AHNAK2: variants seen among roughly 807,000 people sequenced by gnomAD.
AHNAK2 encodes AHNAK nucleoprotein 2, also known as protein AHNAK2.
In AHNAK2, 18 loss-of-function variants were observed where a neutral mutation model predicts 30.7. The ratio of observed to expected loss-of-function variants is 0.59; its 90% confidence interval spans 0.41 to 0.87. The LOEUF is 0.87. AHNAK2 is among the 40% of genes least tolerant of loss of function. The probability of loss-of-function intolerance (pLI) is 0.00; values close to 1 mark genes in which losing one functional copy is unlikely to be tolerated. For missense variants in AHNAK2, 8,604 were observed against 7,373.0 expected (o/e 1.17, Z -6.11); for synonymous variants, 3,590 against 3,073.8 (o/e 1.17, Z -5.56).
rs772154123 is a variant in AHNAK2 at position 104,951,508 on chromosome 14, A to T, written c.3943T>A (p.Ser1315Thr). The change falls in exon 7 of 7, where the codon TCC becomes ACC. Residue 1315 changes from serine to threonine, a missense_variant. By Grantham distance (58) the Ser-to-Thr change is moderately conservative. Transcript: ENST00000333244. ...GCAGTCACGTCCTTGTCAGCCAGGG[A>T]CAGGTCCCCGTCCAGCTGTGCGCCA... Reference protein sequence around the residue: ...LDGAQLDGDLSLADKDVTAKD... With the variant: ...LDGAQLDGDLTLADKDVTAKD... 18 of 1,247,020 alleles carry T rather than the reference A, an allele frequency of 1.4e-5. 3 individuals are homozygous for T. The African/African-American group carries it at 2.6e-4, about 18-fold the overall frequency. 77.2% of individuals were successfully genotyped at this position (1,247,020 alleles called of 1,614,324 possible). A position where few individuals can be genotyped will look rare whatever the true frequency, so the allele number is the denominator to read the frequency against.
Position 104,944,998 on chromosome 14 carries a change from C to T in AHNAK2, c.10453G>A (p.Val3485Met). The T allele has an allele frequency of 6.2e-7, 1 of 1,612,968 alleles. No individual in the cohort carries two copies. The highest frequency in any genetic ancestry group is 1.7e-4 in the Middle Eastern group (1 of 6,054). Reference protein sequence around the residue: ...MPKFKMPSFGVSAPGRSIEAS... With the variant: ...MPKFKMPSFGMSAPGRSIEAS... ...TCGATGGACCTGCCTGGGGCCGACA[C>T]CCCGAAGGAGGGCATCTTGAACTTG... The change falls in exon 7 of 7, where the codon GTG becomes ATG. Residue 3485 changes from valine (V) to methionine (M), a missense_variant. Val to Met is a conservative substitution (Grantham distance 21). Transcript: ENST00000333244.
chr14:104,949,700 G>C lies in AHNAK2; in HGVS notation c.5751C>G (p.Pro1917=). 2 of 1,586,998 alleles carry C rather than the reference G, an allele frequency of 1.3e-6. 1 individual carries two copies. Among genetic ancestry groups the C allele is most frequent in the Admixed American group, 3.5e-5 (2 of 57,452 alleles). ...TCTGGGGGCCCTTGAGGTCCACTTT[G>C]GGCATCTTGAAACTGGGCATATCCA... ...PKVDMPSFKM[P]KVDLKGPQTD... Residue 1917 remains proline (P), a synonymous_variant, in exon 7 of 7, where the codon CCC becomes CCG. Coordinates refer to ENST00000333244, the MANE Select transcript of AHNAK2 (RefSeq NM_138420.4).
rs758220770 is a variant in AHNAK2 at position 104,949,914 on chromosome 14, A to G, written c.5537T>C (p.Val1846Ala). 3.1e-5 allele frequency: 49 copies of G among 1,588,418 alleles called. 2 individuals carry two copies. The highest frequency in any genetic ancestry group is 2.4e-4 in the Admixed American group (14 of 57,764). ...CTCCACCTTCGGCGCAGACACATCC[A>G]CCGAGGCCTCGATGGACTTGCCTGG... ...SAPGKSIEASVDVSAPKVEAE... is the reference protein window; with the variant it reads ...SAPGKSIEASADVSAPKVEAE... Residue 1846 changes from valine (V) to alanine (A), a missense_variant, in exon 7 of 7, where the codon GTG becomes GCG. Val to Ala is a moderately conservative substitution (Grantham distance 64). Coordinates refer to ENST00000333244, the MANE Select transcript of AHNAK2 (RefSeq NM_138420.4).
At position 104,966,687 on chromosome 14, in the gene AHNAK2, C is replaced by A. The variant is rs1899312127; in HGVS notation, c.56-9015G>T. Among the ~76,000 whole-genome samples, 1 of 152,198 alleles carries A rather than the reference C, an allele frequency of 6.6e-6. No individual in the cohort carries two copies. The highest frequency in any genetic ancestry group is 1.5e-5 in the Non-Finnish European group (1 of 68,042). ...AGGGCTCCCCAGTGCACCCCACAAC[C>A]CTGAGGGACCACCAGCTGGGGCCAC... On this transcript the variant is annotated intron_variant, in intron 1 of 6. Transcript: ENST00000333244. This position sits in a 1 kb window ranked among gnomAD's most constrained non-coding sequence, Gnocchi z 4.3.
chr14:104,962,454 C>G (rs1224039586), intron 1 of AHNAK2, among the ~76,000 whole-genome samples: 4 of 152,216 alleles, frequency 2.6e-5, no homozygotes, highest in Non-Finnish European at 5.9e-5. Flanking sequence ...GAGACAGGGT[C>G]TCACTCTGTC....
Position 104,938,397 on chromosome 14 carries a change from G to A in AHNAK2, c.17054C>T (p.Ala5685Val). The change falls in exon 7 of 7, where the codon GCA (alanine) becomes GTA (valine). Residue 5685 changes from alanine (A) to valine (V), a missense_variant. Ala to Val is a moderately conservative substitution (Grantham distance 64). Coordinates refer to ENST00000333244, the MANE Select transcript of AHNAK2 (RefSeq NM_138420.4). The part of the protein sequence containing the change: ...IQTQPEARPE[A>V]ELPKKQEKAG... ...CTTCTCCTGTTTTTTAGGCAGTTCT[G>A]CCTCTGGTCGTGCCTCAGGCTGTGT... 1 of 1,613,932 alleles carries A rather than the reference G, an allele frequency of 6.2e-7. No homozygotes were observed. The highest frequency in any genetic ancestry group is 8.5e-7 in the Non-Finnish European group (1 of 1,179,864).
chr14:104,956,388 C>T (rs984496020), intron 4 of AHNAK2, among the ~76,000 whole-genome samples, 200 bp downstream of exon 4: 4 of 152,078 alleles, frequency 2.6e-5, no homozygotes, highest in Non-Finnish European at 5.9e-5. Flanking sequence ...GTGGAGAGGG[C>T]CAGGACCAGA....
At position 104,954,080 on chromosome 14, in the gene AHNAK2, G is replaced by C; in HGVS notation, c.1371C>G (p.Ser457Arg). 2 of 1,613,182 alleles carry C rather than the reference G, an allele frequency of 1.2e-6. No homozygotes were observed. Among genetic ancestry groups the C allele is most frequent in the Admixed American group, 3.3e-5 (2 of 60,008 alleles). Reference protein sequence around the residue: ...SREGEGEGLQSLEIGIARLSL... With the variant: ...SREGEGEGLQRLEIGIARLSL... ...ACAGTCTGGCGATCCCGATTTCCAG[G>C]CTCTGCAGTCCCTCGCCTTCACCCT... is the stretch of plus-strand genomic sequence containing the variant. Residue 457 changes from serine (S) to arginine (R), a missense_variant, in exon 7 of 7, where the codon AGC (serine) becomes AGG (arginine). Ser to Arg is a moderately radical substitution (Grantham distance 110). Coordinates refer to ENST00000333244, the MANE Select transcript of AHNAK2 (RefSeq NM_138420.4). The surrounding 1 kb of genome is among the most constrained non-coding windows in gnomAD (Gnocchi z 4.3).
At position 104,953,728 on chromosome 14, in the gene AHNAK2, C is replaced by G; in HGVS notation, c.1723G>C (p.Asp575His). 6.2e-7 allele frequency: 1 copy of G among 1,613,952 alleles called. No homozygotes were observed. Among genetic ancestry groups the G allele is most frequent in the Non-Finnish European group, 8.5e-7 (1 of 1,179,898 alleles). The change falls in exon 7 of 7, where the codon GAC (aspartate) becomes CAC (histidine). Residue 575 changes from aspartate (D) to histidine (H), a missense_variant. Transcript: ENST00000333244. ...GGCATTCTTATCTGTCCTTCTGTGTCTTCCCTGCCCTTGTCCTGTTCCTCA... is the reference window on the plus strand; with the variant it reads ...GGCATTCTTATCTGTCCTTCTGTGTGTTCCCTGCCCTTGTCCTGTTCCTCA... ...ITEEQDKGRE[D>H]TEGQIRMPKF...
Position 104,941,491 on chromosome 14 carries a change from C to A in AHNAK2, c.13960G>T (p.Gly4654Ter), listed in dbSNP as rs1247953663. The A allele has an allele frequency of 4.3e-6, 7 of 1,612,876 alleles. No individual in the cohort carries two copies. Among genetic ancestry groups the A allele is most frequent in the Non-Finnish European group, 5.9e-6 (7 of 1,179,740 alleles). Residue 4654 changes from glycine (G) to a stop codon, truncating the protein, a stop_gained, in exon 7 of 7, where the codon GGA (glycine) becomes TGA (stop). Coordinates refer to ENST00000333244, the MANE Select transcript of AHNAK2 (RefSeq NM_138420.4). LOFTEE classifies it low-confidence loss of function (END_TRUNC). ...GTCTTCTCATGGAATGTAACATTTC[C>A]TTCGATTTCAGAGGAAGACATGGAA... ...KVSMSSSEIE[G>*]NVTFHEKTST...
rs769202710 is a variant in AHNAK2 at position 104,953,034 on chromosome 14, G to C, written c.2417C>G (p.Pro806Arg). The change falls in exon 7 of 7, where the codon CCG becomes CGG. Residue 806 changes from proline (P) to arginine (R), a missense_variant. By Grantham distance (103) the Pro-to-Arg change is moderately radical. Transcript: ENST00000333244. ...LSSMEVDVQA[P>R]RAKLDGARLE... ...CCGCGCACCATCCAGCTTTGCTCTC[G>C]GGGCCTGGACGTCCACCTCCATGCT... is the stretch of plus-strand genomic sequence containing the variant. 2.5e-6 allele frequency: 4 copies of C among 1,612,436 alleles called. No individual in the cohort carries two copies. The African/African-American group carries it at 4.0e-5, about 16-fold the overall frequency.
In AHNAK2 at chr14:104,952,368, A is replaced by G; in HGVS notation, c.3083T>C (p.Val1028Ala). The change falls in exon 7 of 7, where the codon GTG becomes GCG. Residue 1028 changes from valine to alanine, a missense_variant. By Grantham distance (64) the Val-to-Ala change is moderately conservative. Transcript: ENST00000333244. ...KALVDVSAPKVEADLSLPSMQ... is the reference protein window; with the variant it reads ...KALVDVSAPKAEADLSLPSMQ... ...GGAGGGGAGACTCAGGTCGGCCTCCACCTTGGGTGCAGACACATCCACCAA... is the reference window on the plus strand; with the variant it reads ...GGAGGGGAGACTCAGGTCGGCCTCCGCCTTGGGTGCAGACACATCCACCAA... The G allele has an allele frequency of 6.2e-7, 1 of 1,612,492 alleles. No individual in the cohort carries two copies. Among genetic ancestry groups the G allele is most frequent in the Non-Finnish European group, 8.5e-7 (1 of 1,179,570 alleles).
At position 104,944,024 on chromosome 14, in the gene AHNAK2, C is replaced by T. The variant is rs774454315; in HGVS notation, c.11427G>A (p.Lys3809=). ...KDSKFKMPKF[K]MPSFGVSAPG... Reference sequence around the variant, plus strand: ...GGGCAGACACCCCAAATGACGGCATCTTGAACTTGGGCATTTTGAATTTGC... The same window carrying T: ...GGGCAGACACCCCAAATGACGGCATTTTGAACTTGGGCATTTTGAATTTGC... Residue 3809 remains lysine, a synonymous_variant, in exon 7 of 7, where the codon AAG becomes AAA. Coordinates refer to ENST00000333244, the MANE Select transcript of AHNAK2 (RefSeq NM_138420.4). 1 of 1,613,168 alleles carries T rather than the reference C, an allele frequency of 6.2e-7. No individual in the cohort carries two copies. Among genetic ancestry groups the T allele is most frequent in the Non-Finnish European group, 8.5e-7 (1 of 1,179,582 alleles).
rs191490316 is a variant in AHNAK2, at chr14:104,945,612, G to A, written c.9839C>T (p.Ala3280Val). 5.0e-6 allele frequency: 8 copies of A among 1,596,864 alleles called. No individual in the cohort carries two copies. The highest frequency in any genetic ancestry group is 6.8e-6 in the Non-Finnish European group (8 of 1,168,924). Residue 3280 changes from alanine to valine, a missense_variant, in exon 7 of 7, where the codon GCC becomes GTC. Coordinates refer to ENST00000333244, the MANE Select transcript of AHNAK2 (RefSeq NM_138420.4). ...SQPSMEVDVE[A>V]PGAKLDGARL... Reference sequence around the variant, plus strand: ...TGCACCATCCAACTTGGCTCCTGGGGCCTCGACGTCCACCTCCATGCTGGG... The same window carrying A: ...TGCACCATCCAACTTGGCTCCTGGGACCTCGACGTCCACCTCCATGCTGGG...
intron 1 of AHNAK2, among the ~76,000 whole-genome samples, chr14:104,963,009 T>C (rs1013926727): frequency 6.6e-6 from 1 of 152,208 alleles, no homozygotes; most frequent in Admixed American, 6.5e-5. Context: ...CTGATAAATT[T>C]AAGTTCTCAT....
At position 104,949,585 on chromosome 14, in the gene AHNAK2, C is replaced by T. The variant is rs1350082919; in HGVS notation, c.5866G>A (p.Val1956Met). The T allele has an allele frequency of 1.3e-6, 2 of 1,589,196 alleles. No individual in the cohort carries two copies. The highest frequency in any genetic ancestry group is 1.1e-5 in the South Asian group (1 of 89,972). Residue 1956 changes from valine to methionine, a missense_variant, in exon 7 of 7, where the codon GTG becomes ATG. Val to Met is a conservative substitution (Grantham distance 21). Transcript: ENST00000333244. ...DVEVSLPSME[V>M]DVQAQKAKLD... The stretch of plus-strand genomic sequence containing the variant: ...TTAGCCTTCTGGGCCTGGACATCCA[C>T]CTCCATGCTGGGCAGAGACACCTCG...
At position 104,947,952 on chromosome 14, in the gene AHNAK2, T is replaced by G. The variant is rs202080789; in HGVS notation, c.7499A>C (p.Lys2500Thr). The change falls in exon 7 of 7, where the codon AAG becomes ACG. Residue 2500 changes from lysine (K) to threonine (T), a missense_variant. Transcript: ENST00000333244. ...CACATCCACCGAGGCCTCGATGGAC[T>G]TGCCTGGGGCAGACACCCCGAATGA... is the stretch of plus-strand genomic sequence containing the variant. ...MPSFGVSAPG[K>T]SIEASVDVSA... 6.2e-7 allele frequency: 1 copy of G among 1,612,746 alleles called. No individual in the cohort carries two copies. The highest frequency in any genetic ancestry group is 8.5e-7 in the Non-Finnish European group (1 of 1,179,620).
rs76231332 is a variant in AHNAK2, at chr14:104,951,500, A to G, written c.3951T>C (p.Ala1317=). The change falls in exon 7 of 7, where the codon GCT becomes GCC. Residue 1317 remains alanine (A), a synonymous_variant. Transcript: ENST00000333244. ...GAQLDGDLSL[A]DKDVTAKDSK... is the part of the protein sequence containing the mutation. ...TGTCTTTGGCAGTCACGTCCTTGTC[A>G]GCCAGGGACAGGTCCCCGTCCAGCT... 148,392 of 1,241,862 alleles carry G rather than the reference A, an allele frequency of 0.12. 47,149 individuals carry two copies. The highest frequency in any genetic ancestry group is 0.3 in the East Asian group (13,458 of 44,290). The allele number at this position is 1,241,862 out of a possible 1,614,324, so 76.9% of individuals were successfully genotyped here.
chr14:104,946,678 G>A lies in AHNAK2; in HGVS notation c.8773C>T (p.Leu2925=). 6.2e-7 allele frequency: 1 copy of A among 1,612,898 alleles called. No homozygotes were observed. ...QIDVKGPKLD[L]KGPKAEVTAP... ...GTCACCTCCGCCTTGGGGCCTTTCA[G>A]GTCCAGCTTGGGGCCCTTGACGTCT... The change falls in exon 7 of 7, where the codon CTG becomes TTG. Residue 2925 remains leucine, a synonymous_variant. Coordinates refer to ENST00000333244, the MANE Select transcript of AHNAK2 (RefSeq NM_138420.4).
Sources: allele counts gnomAD v4.1 joint callset (sites outside exome capture counted in the v4.1 genomes callset), GRCh38; gene constraint gnomAD v4.1.1; non-coding constraint Gnocchi (gnomAD v3.1); transcripts MANE v1.5; gene names NCBI Gene and HGNC (gene_info 2026-07-23, HGNC 2026-07-21).